IQANK1: variants seen among roughly 807,000 people sequenced by gnomAD.
IQANK1 encodes IQ motif and ankyrin repeat containing 1, also known as IQ motif and ankyrin repeat domain-containing protein 1.
IQANK1 carries 30 observed loss-of-function variants against 22.6 expected under a neutral mutation model. That is an observed-to-expected ratio of 1.33 (90% CI 0.99 to 1.80). IQANK1 has a LOEUF of 1.80. Ranked by LOEUF, IQANK1 falls within the 40% of genes most tolerant of loss-of-function variation. The pLI is 0.00. For missense variants in IQANK1, 275 were observed against 235.2 expected (o/e 1.17, Z -1.11); for synonymous variants, 122 against 99.6 (o/e 1.23, Z -1.34).
chr8:143,790,338 C>T lies in IQANK1; in HGVS notation c.1425-12C>T, dbSNP rs1002688762. 28 of 1,209,616 alleles carry T rather than the reference C, an allele frequency of 2.3e-5. No individual in the cohort carries two copies. The highest frequency in any genetic ancestry group is 4.2e-5 in the Admixed American group (1 of 23,678). The allele number at this position is 1,209,616 out of a possible 1,614,324, so 74.9% of individuals were successfully genotyped here. On this transcript the variant is annotated splice_polypyrimidine_tract_variant and intron_variant, in intron 13 of 13. Transcript: ENST00000527139. Reference sequence around the variant, plus strand: ...CTAGCCCCACCCTGGCCTCACCAGCCTCATGGGGCAGGTATGGGAAGCCGC... The same window carrying T: ...CTAGCCCCACCCTGGCCTCACCAGCTTCATGGGGCAGGTATGGGAAGCCGC...
chr8:143,739,740 G>T (rs1818848413), intron 2 of IQANK1, 119 bp from the exon 3 acceptor site: 1 of 578,926 alleles, frequency 1.7e-6, no homozygotes, highest in Non-Finnish European at 3.1e-6. Context: ...GGAGGCCCGG[G>T]TGGGGGGCTC....
intron 3 of IQANK1, among the ~76,000 whole-genome samples, chr8:143,749,580 A>AT (rs1189195745): frequency 1.3e-4 from 16 of 126,250 alleles, no homozygotes; most frequent in East Asian, 3.0e-4. Context: ...TCATATATAT[A>AT]TATTTTATTT....
intron 3 of IQANK1, chr8:143,742,657 G>C: frequency 2.2e-6 from 1 of 456,026 alleles, no homozygotes; most frequent in South Asian, 1.5e-5. Flanking sequence ...CCACCAGGAA[G>C]GTGTGGCTGA....
chr8:143,745,381 C>T (rs1365016467), intron 3 of IQANK1: 1 of 152,250 alleles, frequency 6.6e-6, no homozygotes, highest in Non-Finnish European at 1.5e-5. Flanking sequence ...AGACAGTCAC[C>T]ACAGAGCTCC....
chr8:143,766,954 G>A (rs1030141072), intron 3 of IQANK1, among the ~76,000 whole-genome samples: 21 of 152,164 alleles, frequency 1.4e-4, no homozygotes, highest in African/African-American at 1.9e-4. Context: ...TCTTTCCCAC[G>A]GCTCTGTAGG....
intron 3 of IQANK1, among the ~76,000 whole-genome samples, chr8:143,753,608 C>T (rs952923454): frequency 6.6e-6 from 1 of 152,078 alleles, no homozygotes; most frequent in East Asian, 1.9e-4. Flanking sequence ...TACCCTCCAC[C>T]ATACCTGGCT....
rs891750753 is a variant in IQANK1, at chr8:143,765,921, G to T, written c.176-5567G>T. Among the ~76,000 whole-genome samples the T allele has an allele frequency of 2.0e-5, 3 of 152,120 alleles. No individual in the cohort carries two copies. The East Asian group carries it at 5.8e-4, about 29-fold the overall frequency. ...AACACTAGCATGGATTTTCTTGCAC[G>T]TGTCTCCTGGTGCACACATCCATGC... On this transcript the variant is annotated intron_variant, in intron 3 of 13. Transcript: ENST00000527139.
intron 3 of IQANK1, among the ~76,000 whole-genome samples, chr8:143,760,660 C>T (rs1819378520): frequency 6.6e-6 from 1 of 152,016 alleles, no homozygotes; most frequent in South Asian, 2.1e-4. Context: ...CCAGCCTGGG[C>T]GACAGAGGGA....
At chr8:143,759,238 G>C (rs61749032) in intron 3 of IQANK1, 3,371 of 180,444 alleles carry the variant, frequency 0.019, 42 homozygotes, top group Non-Finnish European at 0.027. Context: ...TTACAGCCCT[G>C]CACCAGCAAA....
chr8:143,751,664 G>GTATATATATATATATATATATATA (rs71318622), intron 3 of IQANK1, among the ~76,000 whole-genome samples: 1,048 of 61,384 alleles, frequency 0.017, 65 homozygotes, highest in East Asian at 0.038. Context: ...GTGTGTGTGT[G>GTATATATATATATATATATATATA]TATATATATA....
intron 3 of IQANK1, among the ~76,000 whole-genome samples, chr8:143,768,773 G>C (rs1174596924): frequency 6.6e-6 from 1 of 152,142 alleles, no homozygotes; most frequent in Non-Finnish European, 1.5e-5. Flanking sequence ...AATACACTTT[G>C]TGAGTATGAG....
intron 7 of IQANK1, among the ~76,000 whole-genome samples, chr8:143,773,523 A>T (rs1003429116): frequency 1.3e-5 from 2 of 151,948 alleles, no homozygotes; most frequent in African/African-American, 2.4e-5. Context: ...CATCTCAGTC[A>T]TTATGTTCCC....
intron 3 of IQANK1, among the ~76,000 whole-genome samples, chr8:143,754,426 T>C (rs1371151285): frequency 1.3e-5 from 2 of 152,154 alleles, no homozygotes; most frequent in Non-Finnish European, 2.9e-5. Flanking sequence ...AAGGATCGAC[T>C]GGGGAAGGAT....
At chr8:143,772,538 C>CCCGGGAGG (rs1554629902) in intron 7 of IQANK1, 56 bp downstream of exon 7, 38 of 397,982 alleles carry the variant, frequency 9.5e-5, no homozygotes, top group African/African-American at 2.7e-4. Flanking sequence ...AGGTGTGGGC[C>CCCGGGAGG]TCGGGAGGTG....
At chr8:143,784,702 G>A (rs562045900) in intron 7 of IQANK1, among the ~76,000 whole-genome samples, 1 of 152,230 alleles carries the variant, frequency 6.6e-6, no homozygotes, top group Non-Finnish European at 1.5e-5. Context: ...CTTGAATATT[G>A]CTGGTCAGTA....
intron 10 of IQANK1, 27 bp from the exon 11 acceptor site, chr8:143,789,734 G>T: frequency 8.1e-7 from 1 of 1,230,940 alleles, no homozygotes; most frequent in Non-Finnish European, 1.0e-6. Flanking sequence ...GGCAGGGCAA[G>T]CAAGTCAGTG....
intron 3 of IQANK1, among the ~76,000 whole-genome samples, chr8:143,760,147 C>G (rs1427339239): frequency 6.6e-6 from 1 of 152,180 alleles, no homozygotes; most frequent in African/African-American, 2.4e-5. Context: ...TCTGGAGCAC[C>G]CCACTGAAGG....
intron 2 of IQANK1, among the ~76,000 whole-genome samples, chr8:143,736,575 G>C (rs1294304233): frequency 6.6e-6 from 1 of 152,138 alleles, no homozygotes; most frequent in Non-Finnish European, 1.5e-5. Flanking sequence ...GCCAAAAATG[G>C]GTTTTGAAAC....
At chr8:143,748,886 C>CATATAAATATATAAATATATATATCATAT (rs567977254) in intron 3 of IQANK1, among the ~76,000 whole-genome samples, 1 of 96,828 alleles carries the variant, frequency 1.0e-5, no homozygotes. Context: ...ATATATATAT[C>CATATAAATATATAAATATATATATCATAT]ATAAATACTT....
Sources: allele counts gnomAD v4.1 joint callset (sites outside exome capture counted in the v4.1 genomes callset), GRCh38; gene constraint gnomAD v4.1.1; transcripts MANE v1.5; gene names NCBI Gene and HGNC (gene_info 2026-07-23, HGNC 2026-07-21).